Variants in CAST observed in about 807,000 individuals in gnomAD.
CAST encodes the protein MIR583 host.
In CAST, 76 loss-of-function variants were observed where a neutral mutation model predicts 119.6. The observed-to-expected ratio is 0.64, with a 90% CI of 0.53 to 0.77. CAST has a LOEUF of 0.77. Among genes scored for constraint, CAST ranks in the 30% least tolerant of loss-of-function variants. CAST has a pLI of 0.00. For synonymous variants in CAST, 319 were observed against 331.6 expected, an observed-to-expected ratio of 0.96 and a Z score of 0.41; for missense variants, 953 against 946.5, an observed-to-expected ratio of 1.01 and a Z score of -0.09.
the CAST span, among the ~76,000 whole-genome samples, chr5:96,168,926 T>C: frequency 1.3e-5 from 2 of 152,014 alleles, no homozygotes; most frequent in African/African-American, 2.4e-5. Flanking sequence ...TGAGCATAGT[T>C]TGTGATTTTG....
At chr5:96,091,876 G>T in the CAST span, among the ~76,000 whole-genome samples, 7 of 152,188 alleles carry the variant, frequency 4.6e-5, no homozygotes, top group African/African-American at 1.7e-4. Context: ...TGGGGTTGGT[G>T]TGCTTAGTAC....
At chr5:96,652,051 G>A (rs1186662053) in intron 1 of CAST, among the ~76,000 whole-genome samples, 3 of 152,166 alleles carry the variant, frequency 2.0e-5, no homozygotes, top group Admixed American at 2.0e-4. Flanking sequence ...AACTTCCTAA[G>A]CACTTACTGC....
At chr5:96,020,631 T>G in the CAST span, among the ~76,000 whole-genome samples, 1 of 152,204 alleles carries the variant, frequency 6.6e-6, no homozygotes, top group Non-Finnish European at 1.5e-5. Flanking sequence ...ATCTAATGCT[T>G]GATGATCTGT....
At chr5:96,631,072 C>CT (rs1344459233) in intron 1 of CAST, 3 of 140,790 alleles carry the variant, frequency 2.1e-5, no homozygotes, top group Non-Finnish European at 4.8e-5. Context: ...GCCTTCCTTT[C>CT]TTAAAGACTC....
chr5:96,703,196 AG>A (rs1193505691), intron 3 of CAST, among the ~76,000 whole-genome samples: 1 of 152,156 alleles, frequency 6.6e-6, no homozygotes, highest in Non-Finnish European at 1.5e-5. Context: ...TTACAAAACA[AG>A]GGATTTGTGT....
chr5:96,567,885 G>A (rs1025461187), intron 1 of CAST, among the ~76,000 whole-genome samples: 9 of 152,120 alleles, frequency 5.9e-5, no homozygotes, highest in African/African-American at 2.2e-4. Flanking sequence ...ACATTTTAAA[G>A]CCCCCTCATG....
chr5:96,534,725 GA>G (rs1745754771), intron 1 of CAST, among the ~76,000 whole-genome samples: 1 of 7,166 alleles, frequency 1.4e-4, no homozygotes, highest in African/African-American at 3.5e-4. Flanking sequence ...GAGAGAGAGA[GA>G]GAGAGAGAGA....
intron 2 of CAST, 89 bp from the exon 3 acceptor site, chr5:96,695,747 G>T: frequency 1.3e-6 from 1 of 794,104 alleles, no homozygotes; most frequent in South Asian, 1.8e-5. Context: ...TTTTGCTTGA[G>T]AAAATATTTG....
chr5:96,198,637 T>A, the CAST span, among the ~76,000 whole-genome samples: 1 of 152,210 alleles, frequency 6.6e-6, no homozygotes, highest in African/African-American at 2.4e-5. Flanking sequence ...ATATGATTTT[T>A]TTCTAAGTAT....
At chr5:96,353,520 T>C in the CAST span, among the ~76,000 whole-genome samples, 2 of 152,160 alleles carry the variant, frequency 1.3e-5, no homozygotes, top group African/African-American at 4.8e-5. Context: ...AGATTAGAAG[T>C]TGAATCTGTA....
chr5:96,393,324 T>G, the CAST span: 1 of 1,614,100 alleles, frequency 6.2e-7, no homozygotes, highest in Non-Finnish European at 8.5e-7. Context: ...CTGCTGCTGC[T>G]GGGGCTTTTG....
At chr5:96,598,401 C>T (rs1247219990) in intron 1 of CAST, among the ~76,000 whole-genome samples, 3 of 152,168 alleles carry the variant, frequency 2.0e-5, no homozygotes, top group Non-Finnish European at 4.4e-5. Context: ...CCTGTCATAT[C>T]CCACCCATCC....
chr5:96,569,656 A>C (rs993431212), intron 1 of CAST, among the ~76,000 whole-genome samples: 1 of 152,186 alleles, frequency 6.6e-6, no homozygotes, highest in Non-Finnish European at 1.5e-5. Context: ...TAACCTAGAA[A>C]TACTAGAGTT....
chr5:96,182,317 G>A, the CAST span, among the ~76,000 whole-genome samples: 1 of 152,222 alleles, frequency 6.6e-6, no homozygotes, highest in African/African-American at 2.4e-5. Context: ...GGCTGGTGGA[G>A]AAGTCCTTAC....
chr5:96,552,368 A>G (rs1381659669), intron 1 of CAST, among the ~76,000 whole-genome samples: 1 of 152,224 alleles, frequency 6.6e-6, no homozygotes, highest in African/African-American at 2.4e-5. Context: ...CTTTGAAGCC[A>G]ATGAGAACAA....
the CAST span, among the ~76,000 whole-genome samples, chr5:96,127,387 T>C: frequency 2.0e-5 from 3 of 152,126 alleles, no homozygotes; most frequent in African/African-American, 7.2e-5. Context: ...GTGGTGTTCA[T>C]TTTAAAAATG....
chr5:96,631,921 A>T (rs968982162), intron 1 of CAST, among the ~76,000 whole-genome samples: 10 of 152,152 alleles, frequency 6.6e-5, no homozygotes, highest in Admixed American at 3.9e-4. Context: ...GGAACAGCCA[A>T]GCTGTTTTTC....
the CAST span, among the ~76,000 whole-genome samples, chr5:96,192,299 CCT>C: frequency 2.0e-5 from 3 of 152,172 alleles, no homozygotes; most frequent in East Asian, 3.9e-4. Context: ...TTCTGCTTTT[CCT>C]CTGTCTATAC....
At chr5:96,023,932 T>C in the CAST span, among the ~76,000 whole-genome samples, 1 of 152,140 alleles carries the variant, frequency 6.6e-6, no homozygotes, top group Admixed American at 6.6e-5. Flanking sequence ...TCCAAACATA[T>C]GCAACACACA....
Sources: allele counts gnomAD v4.1 joint callset (sites outside exome capture counted in the v4.1 genomes callset), GRCh38; gene constraint gnomAD v4.1.1; transcripts MANE v1.5; gene names NCBI Gene and HGNC (gene_info 2026-07-23, HGNC 2026-07-21).